Variants in PI4KB observed in about 807,000 individuals in gnomAD.
PI4KB encodes PtdIns 4-kinase beta.
PI4KB carries 23 observed loss-of-function variants against 81.4 expected under a neutral mutation model. The ratio of observed to expected loss-of-function variants is 0.28; its 90% confidence interval spans 0.20 to 0.40. The LOEUF (loss-of-function observed/expected upper bound fraction) is 0.40, where lower values mean the gene tolerates loss of function less well. PI4KB is among the 10% of genes least tolerant of loss of function. The probability of loss-of-function intolerance (pLI) is 1.00; values close to 1 mark genes in which losing one functional copy is unlikely to be tolerated. For synonymous variants in PI4KB, 381 were observed against 406.8 expected (o/e 0.94, Z 0.76); for missense variants, 651 against 1,036.6 (o/e 0.63, Z 5.11).
chr1:151,309,624 T>C (rs1696046234), intron 3 of PI4KB, among the ~76,000 whole-genome samples: 1 of 152,092 alleles, frequency 6.6e-6, no homozygotes, highest in Admixed American at 6.5e-5. Flanking sequence ...TTAAGGAACA[T>C]CCTGGGCAGT....
At chr1:151,309,410 T>C (rs587693791) in intron 3 of PI4KB, among the ~76,000 whole-genome samples, 5 of 152,068 alleles carry the variant, frequency 3.3e-5, no homozygotes, top group South Asian at 2.1e-4. Context: ...TGAGAGGAGA[T>C]AGGAATCATG....
intron 4 of PI4KB, among the ~76,000 whole-genome samples, chr1:151,306,625 A>C (rs975839528): frequency 6.6e-6 from 1 of 152,168 alleles, no homozygotes; most frequent in African/African-American, 2.4e-5. Context: ...CTTGGGCCAA[A>C]CCACTCTAGA....
intron 10 of PI4KB, 101 bp from the exon 11 acceptor site, chr1:151,294,239 GT>G: frequency 2.7e-6 from 4 of 1,507,276 alleles, no homozygotes; most frequent in Non-Finnish European, 3.6e-6. Context: ...TTGGGGCCCT[GT>G]TATTTCCCCC....
intron 2 of PI4KB, among the ~76,000 whole-genome samples, chr1:151,313,979 G>A (rs1284546904): frequency 6.6e-6 from 1 of 152,230 alleles, no homozygotes; most frequent in African/African-American, 2.4e-5. Flanking sequence ...AATAATACCT[G>A]TCTCTCAGCA....
At position 151,292,603 on chromosome 1, in the gene PI4KB, A is replaced by C. The variant is rs1694385659; in HGVS notation, c.*249T>G. The stretch of plus-strand genomic sequence containing the variant: ...CTGGAGGGCAGTGAGTCCTGGAGTC[A>C]GTCTGGTGGTAATACTGACACAGAC... On this transcript the variant is annotated 3_prime_UTR_variant, in exon 12 of 12. Coordinates refer to ENST00000368873, the MANE Select transcript of PI4KB (RefSeq NM_001369623.2). The C allele has an allele frequency of 2.0e-6, 1 of 510,402 alleles. No individual in the cohort carries two copies. Among genetic ancestry groups the C allele is most frequent in the Admixed American group, 3.5e-5 (1 of 28,830 alleles). The allele number at this position is 510,402 out of a possible 1,614,324, so 31.6% of individuals were successfully genotyped here.
intron 1 of PI4KB, among the ~76,000 whole-genome samples, chr1:151,316,900 G>C (rs1000103816): frequency 6.6e-6 from 1 of 152,168 alleles, no homozygotes. Context: ...TCAGCTCACT[G>C]TAAGTTCCGC....
intron 11 of PI4KB, chr1:151,293,810 C>T (rs980808930): frequency 5.5e-6 from 3 of 546,850 alleles, no homozygotes; most frequent in African/African-American, 1.9e-5. Context: ...GTGCTGCTAT[C>T]CCCTTCCCCA....
chr1:151,296,566 G>T (rs1302077843), intron 9 of PI4KB, among the ~76,000 whole-genome samples: 4 of 151,668 alleles, frequency 2.6e-5, no homozygotes, highest in Admixed American at 2.6e-4. Context: ...TGCCTCCTGG[G>T]TTCAAGTGAT....
intron 5 of PI4KB, among the ~76,000 whole-genome samples, chr1:151,304,343 G>GTTTTTTTT (rs587741967): frequency 7.4e-6 from 1 of 135,278 alleles, no homozygotes; most frequent in Non-Finnish European, 1.6e-5. Flanking sequence ...CTGGCTGTGT[G>GTTTTTTTT]TTTTTTTTTT....
At chr1:151,324,827 G>A (rs1302689716) in intron 1 of PI4KB, 1 of 985,048 alleles carries the variant, frequency 1.0e-6, no homozygotes, top group African/African-American at 1.7e-5. Context: ...AATTATTGAA[G>A]GGTTCCTCCC....
intron 11 of PI4KB, 27 bp downstream of exon 11, chr1:151,293,991 T>C (rs1694572352): frequency 2.5e-6 from 4 of 1,613,664 alleles, no homozygotes; most frequent in African/African-American, 1.3e-5. Context: ...TGAGGCACTA[T>C]AGCACCTGAC....
intron 8 of PI4KB, 126 bp downstream of exon 8, chr1:151,301,716 TAG>T: frequency 2.5e-6 from 2 of 798,402 alleles, no homozygotes; most frequent in Non-Finnish European, 2.0e-6. Flanking sequence ...GTATTTTTAG[TAG>T]AGACAGGGTT....
chr1:151,292,690 C>T lies in PI4KB; in HGVS notation c.*162G>A. 1 of 676,186 alleles carries T rather than the reference C, an allele frequency of 1.5e-6. No homozygotes were observed. The allele number at this position is 676,186 out of a possible 1,614,324, so 41.9% of individuals were successfully genotyped here. On this transcript the variant is annotated 3_prime_UTR_variant, in exon 12 of 12. Transcript: ENST00000368873. The stretch of plus-strand genomic sequence containing the variant: ...CACAGCTGGCTCTCCCACCCCTCAG[C>T]AAGCTCTCGCAGTTACCACATGATC...
intron 9 of PI4KB, among the ~76,000 whole-genome samples, chr1:151,296,284 C>G (rs1220709595): frequency 6.6e-6 from 1 of 152,106 alleles, no homozygotes; most frequent in East Asian, 1.9e-4. Flanking sequence ...TCCTACAGCT[C>G]TCAAATGCAG....
intron 1 of PI4KB, among the ~76,000 whole-genome samples, chr1:151,325,082 C>G (rs1351931874): frequency 6.6e-6 from 1 of 151,344 alleles, no homozygotes; most frequent in Non-Finnish European, 1.5e-5. Flanking sequence ...ACCTTCGCCT[C>G]CTGGGTTCAA....
chr1:151,310,831 T>C (rs773168331), intron 2 of PI4KB, among the ~76,000 whole-genome samples: 4 of 152,104 alleles, frequency 2.6e-5, no homozygotes, highest in Non-Finnish European at 5.9e-5. Flanking sequence ...AATCCCAACC[T>C]TGAACCTCTG....
intron 5 of PI4KB, among the ~76,000 whole-genome samples, chr1:151,304,854 G>A (rs11204799): frequency 0.012 from 1,722 of 148,888 alleles, 37 homozygotes; most frequent in African/African-American, 0.04. Context: ...CTTTTGAGAC[G>A]GAATTTTGCT....
intron 2 of PI4KB, among the ~76,000 whole-genome samples, chr1:151,313,534 C>T (rs1378979566): frequency 6.6e-6 from 1 of 152,158 alleles, no homozygotes; most frequent in African/African-American, 2.4e-5. Context: ...ACAAGAGGCA[C>T]CAAGGAATTC....
intron 5 of PI4KB, among the ~76,000 whole-genome samples, chr1:151,304,366 G>A (rs1360264664): frequency 7.3e-6 from 1 of 137,886 alleles, no homozygotes; most frequent in South Asian, 2.3e-4. Flanking sequence ...TTTTTTAGAC[G>A]GAGTTTCGCT....
Sources: gnomAD v4.1 joint callset for allele counts (sites outside exome capture counted in the v4.1 genomes callset) on GRCh38, gnomAD v4.1.1 for gene constraint, MANE v1.5 for transcripts, NCBI Gene and HGNC (gene_info 2026-07-23, HGNC 2026-07-21) for gene names.